Variants in ST8SIA1 observed in about 807,000 individuals in gnomAD.
ST8SIA1 encodes the protein ST8 alpha-N-acetyl-neuraminide alpha-2,8-sialyltransferase 1, also known as alpha-N-acetylneuraminide alpha-2,8-sialyltransferase.
A neutral mutation model predicts 35.9 loss-of-function variants in ST8SIA1; 16 were observed. That is an observed-to-expected ratio of 0.45 (90% CI 0.30 to 0.68). The LOEUF is 0.68. Ranked by LOEUF, ST8SIA1 falls within the 30% of genes least tolerant of loss-of-function variation. ST8SIA1 has a pLI of 0.09. For missense variants in ST8SIA1, 383 were observed against 453.6 expected (o/e 0.84, Z 1.41); for synonymous variants, 170 against 169.6 (o/e 1.00, Z -0.02).
chr12:22,237,539 T>A (rs1865489310), intron 4 of ST8SIA1, among the ~76,000 whole-genome samples: 1 of 151,292 alleles, frequency 6.6e-6, no homozygotes, highest in Admixed American at 6.6e-5. Flanking sequence ...ATTTATATAT[T>A]TATTTTTTTC....
At chr12:22,333,171 G>T (rs1427485127) in intron 1 of ST8SIA1, among the ~76,000 whole-genome samples, 1 of 152,212 alleles carries the variant, frequency 6.6e-6, no homozygotes, top group Non-Finnish European at 1.5e-5. Context: ...GATCCTCAGA[G>T]TTCTGATTTC....
rs941963481 is a variant in ST8SIA1 at position 22,196,738 on chromosome 12, T to G, written c.*4814A>C. 6.6e-6 allele frequency: 1 copy of G among 152,272 alleles called. No individual in the cohort carries two copies. The highest frequency in any genetic ancestry group is 1.5e-5 in the Non-Finnish European group (1 of 68,096). 9.4% of individuals were successfully genotyped at this position (152,272 alleles called of 1,614,324 possible). A position where few individuals can be genotyped will look rare whatever the true frequency, so the allele number is the denominator to read the frequency against. On this transcript the variant is annotated 3_prime_UTR_variant, in exon 5 of 5. Transcript: ENST00000396037. ...CACTTTAGAATCACTGGCAGGGCTA[T>G]AACTAGGTCGGGGTGATCAGACTCT... is the stretch of plus-strand genomic sequence containing the variant.
chr12:22,202,903 G>A (rs1565565609), intron 4 of ST8SIA1, among the ~76,000 whole-genome samples: 2 of 152,118 alleles, frequency 1.3e-5, no homozygotes, highest in Non-Finnish European at 2.9e-5. Flanking sequence ...ATATACTGAG[G>A]CAATGACAAG....
At chr12:22,283,082 G>C (rs1866056387) in intron 2 of ST8SIA1, among the ~76,000 whole-genome samples, 1 of 152,138 alleles carries the variant, frequency 6.6e-6, no homozygotes, top group Non-Finnish European at 1.5e-5. Flanking sequence ...CAAGAACGCT[G>C]CAGGTCCAGG....
chr12:22,330,241 A>C (rs376239819), intron 1 of ST8SIA1, among the ~76,000 whole-genome samples: 21 of 152,278 alleles, frequency 1.4e-4, no homozygotes, highest in African/African-American at 5.1e-4. Context: ...GTAGAATTAA[A>C]TGTCATGTTC....
chr12:22,309,918 T>A lies in ST8SIA1; in HGVS notation c.237-22625A>T, dbSNP rs1218690310. 2.0e-5 allele frequency among the ~76,000 whole-genome samples: 3 copies of A among 152,260 alleles called. No individual in the cohort carries two copies. In the East Asian group the frequency reaches 5.8e-4, roughly 29 times the overall value. ...TACCTTCATTTCATTCTCAAAACAA[T>A]CCTATGAATTAGGTACTTTTATTTA... On this transcript the variant is annotated intron_variant, in intron 1 of 4. Transcript: ENST00000396037.
intron 1 of ST8SIA1, among the ~76,000 whole-genome samples, chr12:22,308,965 T>C (rs1866417096): frequency 6.6e-6 from 1 of 152,174 alleles, no homozygotes; most frequent in Admixed American, 6.6e-5. Flanking sequence ...CTAATCATAA[T>C]GAAGGATTGA....
In ST8SIA1 at chr12:22,312,131, C is replaced by A. The variant is rs543019423; in HGVS notation, c.236+21866G>T. ...AGGTAGAGGGTTAACATTAATAAAA[C>A]CCTCCCTCTCCTCTAAATAAACGTA... On this transcript the variant is annotated intron_variant, in intron 1 of 4. Transcript: ENST00000396037. Among the ~76,000 whole-genome samples the A allele has an allele frequency of 8.6e-5, 13 of 151,982 alleles. No individual in the cohort carries two copies. The East Asian group carries it at 2.5e-3, about 29-fold the overall frequency.
At chr12:22,269,356 G>A (rs1384400085) in intron 2 of ST8SIA1, among the ~76,000 whole-genome samples, 2 of 151,894 alleles carry the variant, frequency 1.3e-5, no homozygotes, top group Non-Finnish European at 2.9e-5. Context: ...ATAACATTAA[G>A]TAATATTTGT....
rs529027637 is a variant in ST8SIA1 at position 22,248,189 on chromosome 12, A to G, written c.584+817T>C. Among the ~76,000 whole-genome samples, 7 of 152,286 alleles carry G rather than the reference A, an allele frequency of 4.6e-5. No homozygotes were observed. The East Asian group carries it at 1.4e-3, about 29-fold the overall frequency. ...TGCCACGTTGTGAATAAGTGAACACACATGCTGATCACTTGGACGGGACTT... is the reference window on the plus strand; with the variant it reads ...TGCCACGTTGTGAATAAGTGAACACGCATGCTGATCACTTGGACGGGACTT... On this transcript the variant is annotated intron_variant, in intron 4 of 4. Transcript: ENST00000396037.
At chr12:22,226,396 T>G (rs1318025733) in intron 4 of ST8SIA1, among the ~76,000 whole-genome samples, 1 of 152,150 alleles carries the variant, frequency 6.6e-6, no homozygotes, top group African/African-American at 2.4e-5. Flanking sequence ...TCACAATATG[T>G]CTAAATGTGG....
At chr12:22,254,061 C>T (rs1865702061) in intron 3 of ST8SIA1, among the ~76,000 whole-genome samples, 1 of 152,156 alleles carries the variant, frequency 6.6e-6, no homozygotes, top group Admixed American at 6.5e-5. Context: ...CAAAATCTCG[C>T]TCAGCTTTCT....
At chr12:22,318,887 A>C (rs991913151) in intron 1 of ST8SIA1, among the ~76,000 whole-genome samples, 4 of 152,196 alleles carry the variant, frequency 2.6e-5, no homozygotes, top group Non-Finnish European at 5.9e-5. Context: ...GAAGTTTGCG[A>C]GTCCCAGAGC....
intron 1 of ST8SIA1, among the ~76,000 whole-genome samples, chr12:22,288,480 C>T (rs563857666): frequency 1.2e-4 from 19 of 152,170 alleles, no homozygotes; most frequent in African/African-American, 4.1e-4. Flanking sequence ...ATTGTCACAC[C>T]GTCCCAGCCT....
At chr12:22,270,664 G>A (rs546235947) in intron 2 of ST8SIA1, among the ~76,000 whole-genome samples, 21 of 152,294 alleles carry the variant, frequency 1.4e-4, no homozygotes, top group African/African-American at 4.8e-4. Context: ...AGGTAAAGGG[G>A]TGAAAGGGGG....
chr12:22,233,177 G>C (rs530666320), intron 4 of ST8SIA1, among the ~76,000 whole-genome samples: 1 of 152,162 alleles, frequency 6.6e-6, no homozygotes, highest in African/African-American at 2.4e-5. Flanking sequence ...AGAATGCAGG[G>C]GTAAGTAGAC....
At chr12:22,291,278 G>A (rs998139578) in intron 1 of ST8SIA1, among the ~76,000 whole-genome samples, 4 of 152,258 alleles carry the variant, frequency 2.6e-5, no homozygotes, top group Non-Finnish European at 5.9e-5. Flanking sequence ...TTGTTATGAC[G>A]CTTTCAGATG....
intron 1 of ST8SIA1, among the ~76,000 whole-genome samples, chr12:22,321,234 GC>G (rs762211626): frequency 1.1e-4 from 16 of 152,166 alleles, no homozygotes; most frequent in Non-Finnish European, 2.2e-4. Flanking sequence ...GAGAGAAAGA[GC>G]CCTTTGGCGT....
chr12:22,208,913 G>A (rs1159441945), intron 4 of ST8SIA1, among the ~76,000 whole-genome samples: 2 of 152,008 alleles, frequency 1.3e-5, no homozygotes, highest in Non-Finnish European at 2.9e-5. Context: ...TGGGTCTACT[G>A]GCTAGCCAGT....
Sources: allele counts gnomAD v4.1 joint callset (sites outside exome capture counted in the v4.1 genomes callset), GRCh38; gene constraint gnomAD v4.1.1; transcripts MANE v1.5; gene names NCBI Gene and HGNC (gene_info 2026-07-23, HGNC 2026-07-21).